The following PLK3 variants were observed in gnomAD, a reference collection of about 807,000 sequenced individuals.
The protein encoded by PLK3 is polo like kinase 3.
In PLK3, 41 loss-of-function variants were observed where a neutral mutation model predicts 71.6. The ratio of observed to expected loss-of-function variants is 0.57; its 90% CI spans 0.45 to 0.74. The LOEUF is 0.74. Ranked by LOEUF, PLK3 falls within the 30% of genes least tolerant of loss-of-function variation. The pLI is 0.00. For synonymous variants in PLK3, 366 were observed against 355.4 expected (o/e 1.03, Z -0.33); for missense variants, 791 against 875.6 (o/e 0.90, Z 1.22).
chr1:44,800,491 C>T lies in PLK3; in HGVS notation c.28C>T (p.Pro10Ser), dbSNP rs778305430. MEPAAGFLS[P>S]RPFQRAAAAP... ...GGAGCCTGCCGCCGGTTTCCTGTCTCCGCGCCCCTTCCAGCGTGCGGCCGC... is the reference window on the plus strand; with the variant it reads ...GGAGCCTGCCGCCGGTTTCCTGTCTTCGCGCCCCTTCCAGCGTGCGGCCGC... The change falls in exon 1 of 15, where the codon CCG becomes TCG. Residue 10 changes from proline to serine, a missense_variant. Transcript: ENST00000372201. The surrounding 1 kb of genome is among the most constrained non-coding windows in gnomAD (Gnocchi z 6.5). The T allele has an allele frequency of 1.4e-5, 20 of 1,446,114 alleles. No homozygotes were observed. The South Asian group carries it at 2.7e-4, about 20-fold the overall frequency. The allele number at this position is 1,446,114 out of a possible 1,614,324, so 89.6% of individuals were successfully genotyped here.
rs142872152 is a variant in PLK3 at position 44,801,674 on chromosome 1, G to T, written c.488G>T (p.Arg163Leu). ...ARHTLLEPEV[R>L]YYLRQILSGL... ...CACACCCTGTTGGAGCCAGAAGTGC[G>T]CTACTACCTGCGGCAGATCCTTTCT... Residue 163 changes from arginine (R) to leucine (L), a missense_variant, in exon 4 of 15, where the codon CGC becomes CTC. Transcript: ENST00000372201. 1.2e-3 allele frequency: 1,930 copies of T among 1,613,696 alleles called. 1 individual carries two copies. Among genetic ancestry groups the T allele is most frequent in the Non-Finnish European group, 1.6e-3 (1,829 of 1,179,970 alleles).
chr1:44,801,677 A>G lies in PLK3; in HGVS notation c.491A>G (p.Tyr164Cys), dbSNP rs745809141. 1.9e-6 allele frequency: 3 copies of G among 1,613,404 alleles called. No individual in the cohort carries two copies. Among genetic ancestry groups the G allele is most frequent in the South Asian group, 1.1e-5 (1 of 91,052 alleles). Residue 164 changes from tyrosine (Y) to cysteine (C), a missense_variant, in exon 4 of 15, where the codon TAC becomes TGC. Coordinates refer to ENST00000372201, the MANE Select transcript of PLK3 (RefSeq NM_004073.4). ...ACCCTGTTGGAGCCAGAAGTGCGCTACTACCTGCGGCAGATCCTTTCTGGC... is the reference window on the plus strand; with the variant it reads ...ACCCTGTTGGAGCCAGAAGTGCGCTGCTACCTGCGGCAGATCCTTTCTGGC... ...RHTLLEPEVR[Y>C]YLRQILSGLK...
In PLK3 at chr1:44,800,745, G is replaced by A. The variant is rs1196910810; in HGVS notation, c.210+72G>A. 2.0e-6 allele frequency: 3 copies of A among 1,536,502 alleles called. No individual in the cohort carries two copies. The African/African-American group carries it at 4.1e-5, about 21-fold the overall frequency. On this transcript the variant is annotated intron_variant, in intron 1 of 14. Coordinates refer to ENST00000372201, the MANE Select transcript of PLK3 (RefSeq NM_004073.4). The surrounding 1 kb of genome is among the most constrained non-coding windows in gnomAD (Gnocchi z 6.5). ...CCCGGCCGGCCTCTTTTCTGGCGCCGAGCAGGGCGTGGGCACTTGACCCCC... is the reference window on the plus strand; with the variant it reads ...CCCGGCCGGCCTCTTTTCTGGCGCCAAGCAGGGCGTGGGCACTTGACCCCC...
chr1:44,804,741 C>A lies in PLK3; in HGVS notation c.1597C>A (p.Arg533=), dbSNP rs753696713. The A allele has an allele frequency of 2.5e-6, 4 of 1,613,922 alleles. No individual in the cohort carries two copies. Among genetic ancestry groups the A allele is most frequent in the Non-Finnish European group, 2.5e-6 (3 of 1,179,912 alleles). Residue 533 remains arginine, a synonymous_variant, in exon 13 of 15, where the codon CGG becomes AGG. Coordinates refer to ENST00000372201, the MANE Select transcript of PLK3 (RefSeq NM_004073.4). The part of the protein sequence containing the change: ...RALQPQLGIL[R]YFASYMEQHL... ...CCTGCAGCCTCAGCTGGGTATCCTG[C>A]GGTACTTCGCCTCCTACATGGAGCA... is the stretch of plus-strand genomic sequence containing the variant.
rs1379932105 is a variant in PLK3, at chr1:44,801,751, G to A, written c.565G>A (p.Gly189Arg). 2.5e-6 allele frequency: 4 copies of A among 1,608,786 alleles called. No homozygotes were observed. The highest frequency in any genetic ancestry group is 3.4e-6 in the Non-Finnish European group (4 of 1,176,992). Residue 189 changes from glycine (G) to arginine (R), a missense_variant and splice_region_variant, in exon 4 of 15, where the codon GGA (glycine) becomes AGA (arginine). Gly to Arg is a moderately radical substitution (Grantham distance 125). Transcript: ENST00000372201. ...CATCTTGCACCGGGACCTCAAGTTG[G>A]GTGAGACTCCTGAGCCTGGAGGATG... ...RGILHRDLKL[G>R]NFFITENMEL...
chr1:44,802,248 C>T (rs138688023), intron 5 of PLK3, among the ~76,000 whole-genome samples: 34 of 151,898 alleles, frequency 2.2e-4, no homozygotes, highest in Non-Finnish European at 4.6e-4. Flanking sequence ...TGACAGGCAG[C>T]GTGTATGTGT....
At chr1:44,801,181 A>G (rs766798592) in intron 3 of PLK3, 29 bp downstream of exon 3, 1 of 786,820 alleles carries the variant, frequency 1.3e-6, no homozygotes, top group East Asian at 2.6e-5. Context: ...CGCAGGGATG[A>G]GAGTGAGGGA....
At position 44,801,902 on chromosome 1, in the gene PLK3, C is replaced by CCT. The variant is rs1444908388; in HGVS notation, c.624_625insTC (p.Arg209SerfsTer26). 1 of 1,613,794 alleles carries CCT rather than the reference C, an allele frequency of 6.2e-7. No homozygotes were observed. Among genetic ancestry groups the CCT allele is most frequent in the African/African-American group, 1.3e-5 (1 of 75,012 alleles). On this transcript the variant is annotated frameshift_variant, in exon 5 of 15. Coordinates refer to ENST00000372201, the MANE Select transcript of PLK3 (RefSeq NM_004073.4). LOFTEE classifies it high-confidence loss of function. ...AAGGTGGGGGATTTTGGGCTGGCAG[C>CCT]CCGGTTGGAGCCTCCGGAGCAGAGG...
In PLK3 at chr1:44,801,171, C is replaced by G. The variant is rs771563871; in HGVS notation, c.435+19C>G. On this transcript the variant is annotated intron_variant, in intron 3 of 14. Coordinates refer to ENST00000372201, the MANE Select transcript of PLK3 (RefSeq NM_004073.4). ...CCGAAAGGTGAAAGATGGTGATTCC[C>G]GCAGGGATGAGAGTGAGGGAGAGAA... 1.6e-6 allele frequency: 2 copies of G among 1,213,126 alleles called. No homozygotes were observed. Among genetic ancestry groups the G allele is most frequent in the Middle Eastern group, 1.9e-4 (1 of 5,252 alleles). The allele number at this position is 1,213,126 out of a possible 1,614,324, so 75.1% of individuals were successfully genotyped here.
intron 5 of PLK3, 129 bp downstream of exon 5, chr1:44,802,061 G>A: frequency 1.4e-6 from 1 of 711,220 alleles, no homozygotes; most frequent in Non-Finnish European, 2.4e-6. Context: ...ATGATGGGCT[G>A]TTCATGCATG....
At chr1:44,804,101 G>C (rs568756314) in intron 10 of PLK3, 62 bp from the exon 11 acceptor site, 1 of 1,550,138 alleles carries the variant, frequency 6.5e-7, no homozygotes, top group Non-Finnish European at 8.9e-7. Context: ...GGAGTGGGCA[G>C]AGGGGCCTGG....
chr1:44,800,535 C>G lies in PLK3; in HGVS notation c.72C>G (p.Ala24=), dbSNP rs1288681990. 2.0e-6 allele frequency: 3 copies of G among 1,466,878 alleles called. No homozygotes were observed. The highest frequency in any genetic ancestry group is 2.7e-6 in the Non-Finnish European group (3 of 1,117,424). 90.9% of individuals were successfully genotyped at this position (1,466,878 alleles called of 1,614,324 possible). A position where few individuals can be genotyped will look rare whatever the true frequency, so the allele number is the denominator to read the frequency against. The change falls in exon 1 of 15, where the codon GCC becomes GCG. Residue 24 remains alanine (A), a synonymous_variant. Transcript: ENST00000372201. This position sits in a 1 kb window ranked among gnomAD's most constrained non-coding sequence, Gnocchi z 6.5. ...CGGCCGCCGCGCCCGCTCCCCCGGC[C>G]GGGCCCGGGCCGCCTCCGAGTGCCT... ...QRAAAAPAPP[A]GPGPPPSALR...
Position 44,805,729 on chromosome 1 carries a change from C to G in PLK3, c.*51C>G, listed in dbSNP as rs757310352. The stretch of plus-strand genomic sequence containing the variant: ...TGTGCCTGTCAGGCTCTGGCCCTTG[C>G]CTTTGTGGCCTTCCCCCTTCCTTTG... On this transcript the variant is annotated 3_prime_UTR_variant, in exon 15 of 15. Coordinates refer to ENST00000372201, the MANE Select transcript of PLK3 (RefSeq NM_004073.4). The G allele has an allele frequency of 6.4e-7, 1 of 1,551,352 alleles. No homozygotes were observed. Among genetic ancestry groups the G allele is most frequent in the African/African-American group, 1.4e-5 (1 of 73,506 alleles).
Position 44,801,945 on chromosome 1 carries a change from G to A in PLK3, c.653+13G>A. The A allele has an allele frequency of 1.3e-6, 2 of 1,598,992 alleles. No individual in the cohort carries two copies. The highest frequency in any genetic ancestry group is 1.7e-6 in the Non-Finnish European group (2 of 1,168,660). On this transcript the variant is annotated intron_variant, in intron 5 of 14. Transcript: ENST00000372201. ...AGCAGAGGAAGAAGTGAGTTTTGAG[G>A]AAAGGGGCCCTGTGTGTGATACAGA...
chr1:44,805,001 A>T, intron 13 of PLK3: 1 of 580,186 alleles, frequency 1.7e-6, no homozygotes, highest in Non-Finnish European at 3.0e-6. Context: ...GCTACTCGGG[A>T]GGCTGAGGCA....
At position 44,805,512 on chromosome 1, in the gene PLK3, A is replaced by C; in HGVS notation, c.1775A>C (p.Lys592Thr). The change falls in exon 15 of 15, where the codon AAG (lysine) becomes ACG (threonine). Residue 592 changes from lysine (K) to threonine (T), a missense_variant. Physicochemically the swap from Lys to Thr is moderately conservative, Grantham distance 78. Transcript: ENST00000372201. ...VQVNFYGDHT[K>T]LILSGWEPLL... ...GTGAACTTCTACGGGGACCACACCAAGCTGATTCTCAGTGGCTGGGAGCCC... is the reference window on the plus strand; with the variant it reads ...GTGAACTTCTACGGGGACCACACCACGCTGATTCTCAGTGGCTGGGAGCCC... 1 of 1,614,176 alleles carries C rather than the reference A, an allele frequency of 6.2e-7. No homozygotes were observed. Among genetic ancestry groups the C allele is most frequent in the Non-Finnish European group, 8.5e-7 (1 of 1,180,002 alleles).
At position 44,804,725 on chromosome 1, in the gene PLK3, T is replaced by C; in HGVS notation, c.1581T>C (p.Pro527=). The part of the protein sequence containing the change: ...SVGAVPRALQ[P]QLGILRYFAS... ...GTGCTGTGCCCCGGGCCCTGCAGCC[T>C]CAGCTGGGTATCCTGCGGTACTTCG... Residue 527 remains proline (P), a synonymous_variant, in exon 13 of 15, where the codon CCT becomes CCC. Coordinates refer to ENST00000372201, the MANE Select transcript of PLK3 (RefSeq NM_004073.4). The C allele has an allele frequency of 1.9e-6, 3 of 1,614,020 alleles. No individual in the cohort carries two copies. Among genetic ancestry groups the C allele is most frequent in the South Asian group, 1.1e-5 (1 of 91,078 alleles).
At position 44,803,428 on chromosome 1, in the gene PLK3, C is replaced by G. The variant is rs1198862390; in HGVS notation, c.1072+37C>G. On this transcript the variant is annotated intron_variant, in intron 8 of 14. Coordinates refer to ENST00000372201, the MANE Select transcript of PLK3 (RefSeq NM_004073.4). The surrounding 1 kb of genome is among the most constrained non-coding windows in gnomAD (Gnocchi z 4.3). ...GTGTCAGTGGGTTGAGGGGGCAGAG[C>G]AGTAGAGCGGCTTGTCACATTTGTC... 6.2e-7 allele frequency: 1 copy of G among 1,612,642 alleles called. No individual in the cohort carries two copies. The highest frequency in any genetic ancestry group is 1.3e-5 in the African/African-American group (1 of 75,002).
In PLK3 at chr1:44,802,854, A is replaced by C. The variant is rs763771633; in HGVS notation, c.748A>C (p.Met250Leu). 32 of 1,612,580 alleles carry C rather than the reference A, an allele frequency of 2.0e-5. No individual in the cohort carries two copies. The South Asian group carries it at 3.3e-4, about 17-fold the overall frequency. Reference sequence around the variant, plus strand: ...GGATGTATGGTCACTGGGCTGTGTCATGTGAGTTGCAGGGTCCAGGTTCAG... The same window carrying C: ...GGATGTATGGTCACTGGGCTGTGTCCTGTGAGTTGCAGGGTCCAGGTTCAG... The part of the protein sequence containing the change: ...EADVWSLGCV[M>L]YTLLCGSPPF... The change falls in exon 6 of 15, where the codon ATG (methionine) becomes CTG (leucine). Residue 250 changes from methionine (M) to leucine (L), a missense_variant and splice_region_variant. Physicochemically the swap from Met to Leu is conservative, Grantham distance 15. Transcript: ENST00000372201.
Sources: allele counts gnomAD v4.1 joint callset (sites outside exome capture counted in the v4.1 genomes callset), GRCh38; gene constraint gnomAD v4.1.1; non-coding constraint Gnocchi (gnomAD v3.1); transcripts MANE v1.5; gene names NCBI Gene and HGNC (gene_info 2026-07-23, HGNC 2026-07-21).